The following MYO19 variants were observed in gnomAD, a reference collection of about 807,000 sequenced individuals.
MYO19 encodes unconventional myosin-XIX.
In MYO19, 132 loss-of-function variants were observed where a neutral mutation model predicts 129.2. The ratio of observed to expected loss-of-function variants is 1.02; its 90% CI spans 0.89 to 1.18. MYO19 has a LOEUF of 1.18. Ranked by LOEUF, MYO19 falls within the 50% of genes most tolerant of loss-of-function variation. MYO19 has a pLI of 0.00. For synonymous variants in MYO19, 531 were observed against 477.2 expected (o/e 1.11, Z -1.47); for missense variants, 1,210 against 1,216.7 (o/e 0.99, Z 0.08).
chr17:36,520,263 A>G (rs2073054684), intron 6 of MYO19, among the ~76,000 whole-genome samples: 1 of 152,206 alleles, frequency 6.6e-6, no homozygotes, highest in African/African-American at 2.4e-5. Flanking sequence ...GGCGTGAACT[A>G]CTGCACCTGG....
intron 6 of MYO19, among the ~76,000 whole-genome samples, chr17:36,516,818 T>C (rs998117189): frequency 2.0e-5 from 3 of 152,266 alleles, no homozygotes; most frequent in African/African-American, 4.8e-5. Context: ...CTAAACGCTC[T>C]ACAACTTTTT....
chr17:36,513,861 A>C, intron 9 of MYO19, 136 bp from the exon 10 acceptor site: 1 of 727,860 alleles, frequency 1.4e-6, no homozygotes, highest in Non-Finnish European at 2.2e-6. Context: ...CCGAGAGCCC[A>C]CGGCAGGTAT....
intron 6 of MYO19, among the ~76,000 whole-genome samples, chr17:36,520,527 T>C (rs1251135133): frequency 6.6e-6 from 1 of 152,180 alleles, no homozygotes; most frequent in Admixed American, 6.5e-5. Context: ...CGTGGGTTTT[T>C]TTTCAATAAA....
intron 3 of MYO19, among the ~76,000 whole-genome samples, chr17:36,530,209 G>C (rs1285496269): frequency 6.6e-6 from 1 of 152,178 alleles, no homozygotes; most frequent in Non-Finnish European, 1.5e-5. Context: ...CTATTCTAGA[G>C]GCTGAGGCAG....
chr17:36,530,500 AGGCTGGAGTGCAGT>A (rs1420876945), intron 3 of MYO19, among the ~76,000 whole-genome samples: 2 of 119,698 alleles, frequency 1.7e-5, no homozygotes, highest in Non-Finnish European at 3.2e-5. Context: ...TCTGTCGCCC[AGGCTGGAGTGCAGT>A]GGCGCGATCT....
chr17:36,537,286 T>C, upstream of MYO19: 2 of 1,614,144 alleles, frequency 1.2e-6, no homozygotes, highest in South Asian at 1.1e-5. Flanking sequence ...ACTGACTTTG[T>C]TGTCCTAATA....
At chr17:36,527,292 C>A (rs1220727461) in intron 5 of MYO19, among the ~76,000 whole-genome samples, 1 of 151,870 alleles carries the variant, frequency 6.6e-6, no homozygotes, top group African/African-American at 2.4e-5. Context: ...AAAAAAAATC[C>A]TTTCTCTTAT....
intron 23 of MYO19, 141 bp downstream of exon 23, chr17:36,500,689 T>C (rs2071454266): frequency 1.7e-6 from 2 of 1,210,672 alleles, no homozygotes; most frequent in South Asian, 3.1e-5. Flanking sequence ...ACAGGGAATT[T>C]GAATCCCAGC....
At chr17:36,509,235 C>G in intron 13 of MYO19, 100 bp from the exon 14 acceptor site, 5 of 1,014,666 alleles carry the variant, frequency 4.9e-6, no homozygotes, top group Non-Finnish European at 7.6e-6. Context: ...CTGGGGGGCC[C>G]TTGTATTCTG....
chr17:36,528,442 C>A (rs1365369650), intron 3 of MYO19, among the ~76,000 whole-genome samples: 2 of 151,288 alleles, frequency 1.3e-5, no homozygotes, highest in Non-Finnish European at 2.9e-5. Flanking sequence ...ACCCGGGAGG[C>A]GGAGCTTGCA....
rs2306590 is a variant in MYO19, at chr17:36,498,436, G to A, written c.2587C>T (p.Leu863Phe). 0.38 allele frequency: 612,550 copies of A among 1,613,826 alleles called. 121,590 individuals carry two copies. Among genetic ancestry groups the A allele is most frequent in the Non-Finnish European group, 0.41 (486,411 of 1,179,832 alleles). Reference sequence around the variant, plus strand: ...GCCAGGACCAGTCCCAGGGGCCAGAGGCGGATTATTGCCTCCAGGAGCCTG... The same window carrying A: ...GCCAGGACCAGTCCCAGGGGCCAGAAGCGGATTATTGCCTCCAGGAGCCTG... ...QTRLLEAIIR[L>F]WPLGLVLANT... is the part of the protein sequence containing the mutation. Residue 863 changes from leucine to phenylalanine, a missense_variant, in exon 25 of 26, where the codon CTC becomes TTC. Coordinates refer to ENST00000614623, the MANE Select transcript of MYO19 (RefSeq NM_001163735.2).
chr17:36,538,759 T>G (rs1481195498), upstream of MYO19: 1 of 758,052 alleles, frequency 1.3e-6, no homozygotes, highest in African/African-American at 1.8e-5. Context: ...GATGCTTAAT[T>G]ATTTTTTTTT....
chr17:36,522,836 C>T (rs2073222670), intron 6 of MYO19, among the ~76,000 whole-genome samples: 1 of 152,022 alleles, frequency 6.6e-6, no homozygotes, highest in African/African-American at 2.4e-5. Context: ...TGAAACCCGT[C>T]TCTACTAAAA....
chr17:36,540,023 G>A (rs1323647492), intron 2 of MYO19, among the ~76,000 whole-genome samples: 1 of 151,984 alleles, frequency 6.6e-6, no homozygotes, highest in Non-Finnish European at 1.5e-5. Context: ...CCTACGTTGG[G>A]AGGGCACCAA....
At chr17:36,521,070 C>A (rs1036783852) in intron 6 of MYO19, among the ~76,000 whole-genome samples, 57 of 152,322 alleles carry the variant, frequency 3.7e-4, no homozygotes, top group Admixed American at 6.5e-4. Flanking sequence ...TTTTTATCAT[C>A]TCCATTTGAT....
intron 11 of MYO19, chr17:36,512,986 C>A: frequency 1.3e-6 from 1 of 764,938 alleles, no homozygotes; most frequent in South Asian, 2.1e-5. Flanking sequence ...TTAGTGGTAT[C>A]TGACCTTGGG....
chr17:36,521,610 A>G (rs1198897701), intron 6 of MYO19, among the ~76,000 whole-genome samples: 2 of 152,212 alleles, frequency 1.3e-5, no homozygotes, highest in East Asian at 1.9e-4. Context: ...AGACCCACAC[A>G]AAGTACCCAG....
chr17:36,537,556 T>G (rs1237233025), upstream of MYO19: 6 of 1,614,234 alleles, frequency 3.7e-6, no homozygotes, highest in South Asian at 6.6e-5. Flanking sequence ...TTCCCACTTT[T>G]TCCCAGAAGA....
At chr17:36,523,526 T>C (rs2073276707) in intron 6 of MYO19, among the ~76,000 whole-genome samples, 2 of 152,206 alleles carry the variant, frequency 1.3e-5, no homozygotes, top group African/African-American at 4.8e-5. Flanking sequence ...ATTATTTATT[T>C]TACTTGCCCC....
Sources: gnomAD v4.1 joint callset for allele counts (sites outside exome capture counted in the v4.1 genomes callset) on GRCh38, gnomAD v4.1.1 for gene constraint, MANE v1.5 for transcripts, NCBI Gene and HGNC (gene_info 2026-07-23, HGNC 2026-07-21) for gene names.